Variants in MED12L observed in about 807,000 individuals in gnomAD.
MED12L encodes mediator complex subunit 12L.
MED12L carries 60 observed loss-of-function variants against 281.3 expected under a neutral mutation model. That is an observed-to-expected ratio of 0.21 (90% CI 0.17 to 0.26). The LOEUF is 0.26. Among genes scored for constraint, MED12L ranks in the 10% least tolerant of loss-of-function variants. The probability of loss-of-function intolerance (pLI) is 1.00; values close to 1 mark genes in which losing one functional copy is unlikely to be tolerated. For synonymous variants in MED12L, 974 were observed against 987.2 expected (o/e 0.99, Z 0.25); for missense variants, 2,146 against 2,680.9 (o/e 0.80, Z 4.41).
intron 5 of MED12L, among the ~76,000 whole-genome samples, chr3:151,130,304 G>A (rs1216495990): frequency 6.6e-6 from 1 of 152,030 alleles, no homozygotes; most frequent in African/African-American, 2.4e-5. Flanking sequence ...GTCATTCCTG[G>A]TATTTATCTT....
intron 37 of MED12L, 105 bp from the exon 38 acceptor site, chr3:151,389,874 A>G: frequency 9.4e-7 from 1 of 1,059,754 alleles, no homozygotes; most frequent in Non-Finnish European, 1.4e-6. Context: ...ACAGCTTTGT[A>G]CATTGGGATA....
chr3:151,108,149 G>GCT (rs1223277102), intron 2 of MED12L, among the ~76,000 whole-genome samples: 1 of 151,844 alleles, frequency 6.6e-6, no homozygotes, highest in African/African-American at 2.4e-5. Flanking sequence ...ATTCATCCAG[G>GCT]GCCAGTAGGC....
intron 16 of MED12L, among the ~76,000 whole-genome samples, chr3:151,253,640 A>AT (rs1249637324): frequency 6.6e-6 from 1 of 150,950 alleles, no homozygotes; most frequent in African/African-American, 2.4e-5. Context: ...GTGTCTTCTG[A>AT]TTTTTTCTTT....
intron 18 of MED12L, 99 bp from the exon 19 acceptor site, chr3:151,355,797 T>C (rs918710109): frequency 2.9e-6 from 3 of 1,023,084 alleles, no homozygotes; most frequent in Middle Eastern, 2.9e-4. Context: ...AGTAGAATCA[T>C]GTATAGATTC....
rs145284317 is a variant in MED12L, at chr3:151,356,263, A to G, written c.2661+224A>G. On this transcript the variant is annotated intron_variant, in intron 19 of 44. Transcript: ENST00000687756. The stretch of plus-strand genomic sequence containing the variant: ...AAAAATTTAAAAATTAGCTGGTTGC[A>G]TGCCTGTAGTCCCAGCTACTTGGGA... Among the ~76,000 whole-genome samples the G allele has an allele frequency of 2.5e-3, 376 of 152,120 alleles. 1 individual carries two copies. The highest frequency in any genetic ancestry group is 8.6e-3 in the African/African-American group (355 of 41,482).
At chr3:151,332,751 CTTTAT>C (rs1373940878) in intron 16 of MED12L, among the ~76,000 whole-genome samples, 3 of 149,930 alleles carry the variant, frequency 2.0e-5, no homozygotes, top group African/African-American at 4.9e-5. Flanking sequence ...TTTTTTTTAA[CTTTAT>C]TTTAGGTTCA....
intron 16 of MED12L, among the ~76,000 whole-genome samples, chr3:151,230,486 C>T (rs578201356): frequency 6.6e-6 from 1 of 151,936 alleles, no homozygotes; most frequent in East Asian, 1.9e-4. Flanking sequence ...ACTCCTTTCT[C>T]GTTATACTAT....
chr3:151,164,878 G>T (rs1720481876), intron 9 of MED12L, among the ~76,000 whole-genome samples: 1 of 152,060 alleles, frequency 6.6e-6, no homozygotes, highest in African/African-American at 2.4e-5. Context: ...GGTAGGGATG[G>T]CATTAGGAGA....
intron 16 of MED12L, among the ~76,000 whole-genome samples, chr3:151,199,822 G>A (rs1725268900): frequency 6.6e-6 from 1 of 152,038 alleles, no homozygotes; most frequent in Non-Finnish European, 1.5e-5. Context: ...TTTCAATGAG[G>A]CCTTCTGGTT....
At chr3:151,232,923 A>T (rs893244083) in intron 16 of MED12L, among the ~76,000 whole-genome samples, 1 of 152,100 alleles carries the variant, frequency 6.6e-6, no homozygotes, top group Admixed American at 6.6e-5. Flanking sequence ...TTGAAACTAA[A>T]TTTTTTTTAA....
intron 37 of MED12L, 152 bp from the exon 38 acceptor site, chr3:151,389,827 A>G: frequency 2.9e-6 from 2 of 680,956 alleles, no homozygotes; most frequent in East Asian, 5.5e-5. Context: ...CAGGGGATTT[A>G]TTAGCACTCT....
At chr3:151,324,999 A>G (rs1749421888) in intron 16 of MED12L, among the ~76,000 whole-genome samples, 1 of 152,264 alleles carries the variant, frequency 6.6e-6, no homozygotes, top group South Asian at 2.1e-4. Context: ...TGATTTGTTA[A>G]TTTGCTGAAG....
rs140084349 is a variant in MED12L at position 151,298,426 on chromosome 3, A to G, written c.2251-51633A>G. On this transcript the variant is annotated intron_variant, in intron 16 of 44. Transcript: ENST00000687756. ...TGTTTTCTCGCAATATGTGCATGCA[A>G]TGTTGGATATTATCAAACATGATTT... 4.0e-3 allele frequency among the ~76,000 whole-genome samples: 615 copies of G among 152,308 alleles called. 3 individuals are homozygous for G. The highest frequency in any genetic ancestry group is 0.014 in the African/African-American group (587 of 41,572).
At chr3:151,216,503 T>C (rs968723060) in intron 16 of MED12L, among the ~76,000 whole-genome samples, 2 of 152,208 alleles carry the variant, frequency 1.3e-5, no homozygotes, top group Admixed American at 1.3e-4. Context: ...CACAAGAATA[T>C]CTTGTTTCTG....
At position 151,178,157 on chromosome 3, in the gene MED12L, C is replaced by CAAAAAAAAA. The variant is rs10572929; in HGVS notation, c.1495-7154_1495-7146dup. ...TGGGCAACAGAATGAGACTTGGTCTCAAAAAAAAAAAAAAAAAAAAAAAAA... is the reference window on the plus strand; with the variant it reads ...TGGGCAACAGAATGAGACTTGGTCTCAAAAAAAAAAAAAAAAAAAAAAAAAAAAAAAAAA... On this transcript the variant is annotated intron_variant, in intron 11 of 44. Coordinates refer to ENST00000687756, the MANE Select transcript of MED12L (RefSeq NM_001393769.1). Among the ~76,000 whole-genome samples, 73 of 49,166 alleles carry CAAAAAAAAA rather than the reference C, an allele frequency of 1.5e-3. 1 individual carries two copies. Among genetic ancestry groups the CAAAAAAAAA allele is most frequent in the South Asian group, 5.4e-3 (5 of 932 alleles). The allele number at this position is 49,166 out of a possible 152,430, so 32.3% of individuals were successfully genotyped here.
At chr3:151,103,371 T>G (rs1721624877) in intron 2 of MED12L, among the ~76,000 whole-genome samples, 1 of 152,186 alleles carries the variant, frequency 6.6e-6, no homozygotes, top group Non-Finnish European at 1.5e-5. Context: ...TAAGTATATT[T>G]AGATATAATT....
intron 4 of MED12L, among the ~76,000 whole-genome samples, chr3:151,126,457 A>G (rs1714539558): frequency 6.6e-6 from 1 of 152,190 alleles, no homozygotes; most frequent in South Asian, 2.1e-4. Context: ...AGGGCCACAT[A>G]CTAAAAGAAT....
rs146264204 is a variant in MED12L at position 151,096,371 on chromosome 3, C to G, written c.99+9346C>G. On this transcript the variant is annotated intron_variant, in intron 2 of 44. Transcript: ENST00000687756. ...TCCTTGAATAATCATGAGGGCCACT[C>G]CCCCCGCCCCACACCCACCCCCTTT... 2.4e-3 allele frequency among the ~76,000 whole-genome samples: 367 copies of G among 152,104 alleles called. 6 individuals carry two copies. The East Asian group carries it at 0.052, about 22-fold the overall frequency.
chr3:151,328,904 TAG>T, intron 16 of MED12L: 1 of 1,613,912 alleles, frequency 6.2e-7, no homozygotes, highest in Non-Finnish European at 8.5e-7. Flanking sequence ...AACCACTGTG[TAG>T]AGGGCTGGGA....
Sources: gnomAD v4.1 joint callset for allele counts (sites outside exome capture counted in the v4.1 genomes callset) on GRCh38, gnomAD v4.1.1 for gene constraint, MANE v1.5 for transcripts, NCBI Gene and HGNC (gene_info 2026-07-23, HGNC 2026-07-21) for gene names.